The following CLN6 variants were observed in gnomAD, a reference collection of about 807,000 sequenced individuals.
CLN6 encodes CLN6 transmembrane ER protein, also known as ceroid-lipofuscinosis neuronal protein 6.
CLN6 carries 22 observed loss-of-function variants against 33.3 expected under a neutral mutation model. That is an observed-to-expected ratio of 0.66 (90% CI 0.47 to 0.94). The LOEUF is 0.94. CLN6 is among the 40% of genes least tolerant of loss of function. The pLI is 0.00. For missense variants in CLN6, 387 were observed against 417.1 expected (o/e 0.93, Z 0.63); for synonymous variants, 201 against 174.6 (o/e 1.15, Z -1.19).
At chr15:68,231,450 C>G (rs908406447), upstream of CLN6, among the ~76,000 whole-genome samples, 1 of 140,648 alleles carries the variant, frequency 7.1e-6, no homozygotes, top group African/African-American at 2.6e-5. Flanking sequence ...GACGGGGCCC[C>G]AGATTTAATT....
chr15:68,208,775 C>A lies in CLN6; in HGVS notation c.666-365G>T, dbSNP rs188451993. On this transcript the variant is annotated intron_variant, in intron 6 of 6. Coordinates refer to ENST00000249806, the MANE Select transcript of CLN6 (RefSeq NM_017882.3). The surrounding 1 kb of genome is among the most constrained non-coding windows in gnomAD (Gnocchi z 5.8). ...GGCAGCCACCCCCGCGGCAGGATGC[C>A]GGGGTAAGAACCAGCAGGAAGCGCT... Among the ~76,000 whole-genome samples the A allele has an allele frequency of 3.9e-5, 6 of 152,232 alleles. No individual in the cohort carries two copies. Among genetic ancestry groups the A allele is most frequent in the Non-Finnish European group, 8.8e-5 (6 of 68,044 alleles).
At chr15:68,229,420 G>T in intron 1 of CLN6, 82 bp downstream of exon 1, 1 of 1,149,250 alleles carries the variant, frequency 8.7e-7, no homozygotes, top group Non-Finnish European at 1.2e-6. Context: ...CCGCCCGGCA[G>T]CCCTAGGAGC....
rs766282530 is a variant in CLN6, at chr15:68,255,433, C to T, written c.179+1257G>A. On this transcript the variant is annotated intron_variant, in intron 1 of 6. Transcript: ENST00000538696. Reference sequence around the variant, plus strand: ...ATTGTGGATCTTCAGATAAATTCTGCCATTTTCATTTCACTTCCTGAAAGT... The same window carrying T: ...ATTGTGGATCTTCAGATAAATTCTGTCATTTTCATTTCACTTCCTGAAAGT... Among the ~76,000 whole-genome samples, 19 of 152,196 alleles carry T rather than the reference C, an allele frequency of 1.2e-4. 1 individual carries two copies. Among genetic ancestry groups the T allele is most frequent in the Admixed American group, 3.9e-4 (6 of 15,278 alleles).
At chr15:68,226,120 C>A (rs1346415044) in intron 1 of CLN6, among the ~76,000 whole-genome samples, 1 of 151,826 alleles carries the variant, frequency 6.6e-6, no homozygotes, top group African/African-American at 2.4e-5. Context: ...AAGTTTGAGA[C>A]CAGCCTGGCC....
chr15:68,224,495 A>G (rs2093246501), intron 1 of CLN6, among the ~76,000 whole-genome samples: 1 of 150,976 alleles, frequency 6.6e-6, no homozygotes, highest in Non-Finnish European at 1.5e-5. Flanking sequence ...GGTGGTGCAC[A>G]CCTGTAATCT....
chr15:68,251,461 G>A (rs894554483), intron 1 of CLN6, among the ~76,000 whole-genome samples: 1 of 152,100 alleles, frequency 6.6e-6, no homozygotes, highest in Non-Finnish European at 1.5e-5. Flanking sequence ...GATGGATTGA[G>A]CTCAGGAGGT....
intron 1 of CLN6, among the ~76,000 whole-genome samples, chr15:68,254,189 ATTT>A (rs148565939): frequency 0.022 from 3,314 of 152,160 alleles, 112 homozygotes; most frequent in African/African-American, 0.077. Context: ...AAAACTACAT[ATTT>A]TTTTAAAAAT....
In CLN6 at chr15:68,208,122, G is replaced by A. The variant is rs1454340210; in HGVS notation, c.*18C>T. 1.3e-6 allele frequency: 1 copy of A among 747,146 alleles called. No individual in the cohort carries two copies. Among genetic ancestry groups the A allele is most frequent in the Admixed American group, 2.0e-5 (1 of 50,092 alleles). The allele number at this position is 747,146 out of a possible 1,614,324, so 46.3% of individuals were successfully genotyped here. A position where few individuals can be genotyped will look rare whatever the true frequency, so the allele number is the denominator to read the frequency against. On this transcript the variant is annotated 3_prime_UTR_variant, in exon 7 of 7. Transcript: ENST00000249806. This position sits in a 1 kb window ranked among gnomAD's most constrained non-coding sequence, Gnocchi z 5.8. ...CACCCTCCCACCCAGCAGAGCGCCAGAGCCTGGTGCCAGGGACTCAGTGCC... is the reference window on the plus strand; with the variant it reads ...CACCCTCCCACCCAGCAGAGCGCCAAAGCCTGGTGCCAGGGACTCAGTGCC...
chr15:68,252,240 C>T (rs1892389009), intron 1 of CLN6, among the ~76,000 whole-genome samples: 1 of 152,118 alleles, frequency 6.6e-6, no homozygotes, highest in African/African-American at 2.4e-5. Context: ...TCCCAAAGTG[C>T]TGGGATTACA....
In CLN6 at chr15:68,209,699, T is replaced by C. The variant is rs2141137254; in HGVS notation, c.603A>G (p.Lys201=). ...CAGGCCCTGGAATCAAGCTCTCAGC[T>C]TTAGAGGCAGTAAAGCAGCCGCTGA... The part of the protein sequence containing the change: ...MYFSGCFTAS[K]AESLIPGPAL... The change falls in exon 6 of 7, where the codon AAA becomes AAG. Residue 201 remains lysine (K), a synonymous_variant. Coordinates refer to ENST00000249806, the MANE Select transcript of CLN6 (RefSeq NM_017882.3). The surrounding 1 kb of genome is among the most constrained non-coding windows in gnomAD (Gnocchi z 4.9). The C allele has an allele frequency of 6.2e-7, 1 of 1,613,796 alleles. No individual in the cohort carries two copies. Among genetic ancestry groups the C allele is most frequent in the African/African-American group, 1.3e-5 (1 of 75,022 alleles).
In CLN6 at chr15:68,229,679, G is replaced by A; in HGVS notation, c.-95C>T. ...GAGGCCGCCGCAAATTCCCAGCGCG[G>A]GGCGGTTCGGGGCGGGCCGGCGAGA... On this transcript the variant is annotated 5_prime_UTR_variant, in exon 1 of 7. Transcript: ENST00000249806. The A allele has an allele frequency of 1.0e-6, 1 of 991,480 alleles. No homozygotes were observed. Among genetic ancestry groups the A allele is most frequent in the Non-Finnish European group, 1.3e-6 (1 of 745,680 alleles). 61.4% of individuals were successfully genotyped at this position (991,480 alleles called of 1,614,324 possible). A position where few individuals can be genotyped will look rare whatever the true frequency, so the allele number is the denominator to read the frequency against.
Position 68,236,015 on chromosome 15 carries a change from T to G in CLN6, c.180-17365A>C, listed in dbSNP as rs1443612274. Among the ~76,000 whole-genome samples, 2 of 152,208 alleles carry G rather than the reference T, an allele frequency of 1.3e-5. No individual in the cohort carries two copies. The highest frequency in any genetic ancestry group is 4.8e-5 in the African/African-American group (2 of 41,450). The stretch of plus-strand genomic sequence containing the variant: ...CTTTTTGGTTATTGAAATGATTGAA[T>G]AGCAGATTTAAAATAACTAGGTAGG... On this transcript the variant is annotated intron_variant, in intron 1 of 6. Coordinates refer to the CLN6 transcript ENST00000538696. The surrounding 1 kb of genome is among the most constrained non-coding windows in gnomAD (Gnocchi z 4.5).
intron 1 of CLN6, among the ~76,000 whole-genome samples, chr15:68,237,997 C>T (rs1892238571): frequency 6.6e-6 from 1 of 152,056 alleles, no homozygotes; most frequent in African/African-American, 2.4e-5. Context: ...GTGGTGGGTG[C>T]CTGTAGTCCC....
Position 68,208,091 on chromosome 15 carries a change from A to T in CLN6, c.*49T>A. Reference sequence around the variant, plus strand: ...CTACTCCTGTATTCAGATGCCCTCCATGGCCCACCCTCCCACCCAGCAGAG... The same window carrying T: ...CTACTCCTGTATTCAGATGCCCTCCTTGGCCCACCCTCCCACCCAGCAGAG... On this transcript the variant is annotated 3_prime_UTR_variant, in exon 7 of 7. Transcript: ENST00000249806. This position sits in a 1 kb window ranked among gnomAD's most constrained non-coding sequence, Gnocchi z 5.8. The T allele has an allele frequency of 6.6e-7, 1 of 1,511,934 alleles. No individual in the cohort carries two copies. The highest frequency in any genetic ancestry group is 9.0e-7 in the Non-Finnish European group (1 of 1,111,666). 93.7% of individuals were successfully genotyped at this position (1,511,934 alleles called of 1,614,324 possible). A position where few individuals can be genotyped will look rare whatever the true frequency, so the allele number is the denominator to read the frequency against.
rs2141156157 is a variant in CLN6, at chr15:68,229,501, C to G, written c.83+1G>C. 1 of 1,466,126 alleles carries G rather than the reference C, an allele frequency of 6.8e-7. No individual in the cohort carries two copies. The highest frequency in any genetic ancestry group is 9.0e-7 in the Non-Finnish European group (1 of 1,113,936). 90.8% of individuals were successfully genotyped at this position (1,466,126 alleles called of 1,614,324 possible). ...GCCCTCTCACCCCGGCGCGCGCCCACCTGGCCTGCAGGAAGGAGGCGCCCA... is the reference window on the plus strand; with the variant it reads ...GCCCTCTCACCCCGGCGCGCGCCCAGCTGGCCTGCAGGAAGGAGGCGCCCA... On this transcript the variant is annotated splice_donor_variant, in intron 1 of 6. Coordinates refer to ENST00000249806, the MANE Select transcript of CLN6 (RefSeq NM_017882.3). LOFTEE classifies it high-confidence loss of function.
intron 1 of CLN6, among the ~76,000 whole-genome samples, chr15:68,252,946 A>G (rs2141167315): frequency 6.6e-6 from 1 of 152,374 alleles, no homozygotes; most frequent in Middle Eastern, 3.4e-3. Flanking sequence ...GTAGAGCAAG[A>G]CAGGAAAGGG....
intron 1 of CLN6, among the ~76,000 whole-genome samples, chr15:68,225,658 T>A (rs976521477): frequency 1.1e-4 from 16 of 152,316 alleles, no homozygotes; most frequent in South Asian, 1.0e-3. Flanking sequence ...GGCTAATTTT[T>A]AAAATTTTTC....
At chr15:68,223,602 T>C (rs189265153) in intron 1 of CLN6, among the ~76,000 whole-genome samples, 246 of 152,292 alleles carry the variant, frequency 1.6e-3, no homozygotes, top group Non-Finnish European at 3.0e-3. Context: ...TTTGGAAGCA[T>C]GAACACTTAG....
rs553606481 is a variant in CLN6 at position 68,210,427 on chromosome 15, G to A, written c.543-668C>T. 9.8e-5 allele frequency among the ~76,000 whole-genome samples: 15 copies of A among 152,340 alleles called. No individual in the cohort carries two copies. Among genetic ancestry groups the A allele is most frequent in the African/African-American group, 3.6e-4 (15 of 41,580 alleles). ...TGGCAAAGGCCAGGGAAAGATGGCA[G>A]GAGGCCTGTCCAGGGACCCTGGACC... On this transcript the variant is annotated intron_variant, in intron 5 of 6. Transcript: ENST00000249806. This position sits in a 1 kb window ranked among gnomAD's most constrained non-coding sequence, Gnocchi z 5.6.
Sources: gnomAD v4.1 joint callset for allele counts (sites outside exome capture counted in the v4.1 genomes callset) on GRCh38, gnomAD v4.1.1 for gene constraint, Gnocchi (gnomAD v3.1) non-coding constraint, MANE v1.5 for transcripts, NCBI Gene and HGNC (gene_info 2026-07-23, HGNC 2026-07-21) for gene names.